Variants in SYCP2L observed in about 807,000 individuals in gnomAD.
SYCP2L encodes synaptonemal complex protein 2 like.
A neutral mutation model predicts 125.8 loss-of-function variants in SYCP2L; 98 were observed. The observed-to-expected ratio is 0.78, with a 90% CI of 0.66 to 0.92. The LOEUF (loss-of-function observed/expected upper bound fraction) is 0.92, where lower values mean the gene tolerates loss of function less well. Ranked by LOEUF, SYCP2L falls within the 40% of genes least tolerant of loss-of-function variation. The probability of loss-of-function intolerance (pLI) is 0.00; values close to 1 mark genes in which losing one functional copy is unlikely to be tolerated. For synonymous variants in SYCP2L, 317 were observed against 325.4 expected, an observed-to-expected ratio of 0.97 and a Z score of 0.28; for missense variants, 842 against 936.4, an observed-to-expected ratio of 0.90 and a Z score of 1.32.
At position 10,903,823 on chromosome 6, in the gene SYCP2L, AT is replaced by A. The variant is rs201472872; in HGVS notation, c.641+869del. 1.1e-3 allele frequency among the ~76,000 whole-genome samples: 165 copies of A among 149,602 alleles called. 3 individuals carry two copies. The East Asian group carries it at 0.027, about 24-fold the overall frequency. On this transcript the variant is annotated intron_variant, in intron 8 of 29. Coordinates refer to ENST00000283141, the MANE Select transcript of SYCP2L (RefSeq NM_001040274.3). Reference sequence around the variant, plus strand: ...AGATTTTTCCTTTTTAATAATTATAATTTTTTTTTCTTTTTGCTTCAACGTT... The same window carrying A: ...AGATTTTTCCTTTTTAATAATTATAATTTTTTTTCTTTTTGCTTCAACGTT...
intron 4 of SYCP2L, among the ~76,000 whole-genome samples, chr6:10,895,583 GC>G (rs1217404111): frequency 6.6e-6 from 1 of 151,728 alleles, no homozygotes; most frequent in Non-Finnish European, 1.5e-5. Context: ...TGCTACCGTG[GC>G]GTGCCTGGGC....
intron 23 of SYCP2L, among the ~76,000 whole-genome samples, chr6:10,951,504 A>G (rs9393800): frequency 0.2 from 30,383 of 152,228 alleles, 3,746 homozygotes; most frequent in Middle Eastern, 0.3. Flanking sequence ...ATATGTAGTC[A>G]CAAATAAATA....
At chr6:10,888,780 C>T (rs748471300) in intron 1 of SYCP2L, among the ~76,000 whole-genome samples, 5 of 152,272 alleles carry the variant, frequency 3.3e-5, no homozygotes, top group Admixed American at 6.5e-5. Flanking sequence ...GTATTTCCCA[C>T]TAATTCAGAA....
At chr6:10,894,600 A>G (rs1239155361) in intron 4 of SYCP2L, among the ~76,000 whole-genome samples, 2 of 152,222 alleles carry the variant, frequency 1.3e-5, no homozygotes, top group African/African-American at 4.8e-5. Context: ...CCCTTGTAAC[A>G]CCTCACTTTA....
At chr6:10,893,069 G>A (rs1295376584) in intron 2 of SYCP2L, among the ~76,000 whole-genome samples, 1 of 151,152 alleles carries the variant, frequency 6.6e-6, no homozygotes, top group Non-Finnish European at 1.5e-5. Flanking sequence ...GTGCAGTGGT[G>A]CGATCTCGAC....
intron 20 of SYCP2L, among the ~76,000 whole-genome samples, chr6:10,932,716 T>A (rs1781017055): frequency 6.6e-6 from 1 of 152,218 alleles, no homozygotes; most frequent in Non-Finnish European, 1.5e-5. Context: ...TAATACAGCT[T>A]TTATTTGGAA....
chr6:10,923,350 C>G (rs1181239242), intron 14 of SYCP2L, among the ~76,000 whole-genome samples: 1 of 149,072 alleles, frequency 6.7e-6, no homozygotes, highest in Admixed American at 6.7e-5. Context: ...TGGGAGGAGG[C>G]TGCAAGGAGG....
At chr6:10,968,716 C>T (rs1781718024) in intron 29 of SYCP2L, among the ~76,000 whole-genome samples, 1 of 152,240 alleles carries the variant, frequency 6.6e-6, no homozygotes. Context: ...AGTAGGTAGA[C>T]TGGGGTCCAG....
chr6:10,928,097 C>T (rs58273381), intron 17 of SYCP2L, among the ~76,000 whole-genome samples: 2,377 of 152,146 alleles, frequency 0.016, 60 homozygotes, highest in African/African-American at 0.053. Context: ...AACACACATG[C>T]TCTACAATTT....
intron 29 of SYCP2L, among the ~76,000 whole-genome samples, chr6:10,967,926 G>A (rs1353413888): frequency 6.6e-6 from 1 of 152,150 alleles, no homozygotes; most frequent in African/African-American, 2.4e-5. Context: ...GTAGAGAGAA[G>A]GCTTCATCTA....
intron 24 of SYCP2L, among the ~76,000 whole-genome samples, chr6:10,955,866 A>T (rs914996780): frequency 6.6e-6 from 1 of 152,128 alleles, no homozygotes; most frequent in Non-Finnish European, 1.5e-5. Context: ...CCAGAGAAAT[A>T]CCCTAGCTAT....
Position 10,912,713 on chromosome 6 carries a change from T to A in SYCP2L, c.959T>A (p.Ile320Asn). Residue 320 changes from isoleucine to asparagine, a missense_variant, in exon 13 of 30, where the codon ATC becomes AAC. Transcript: ENST00000283141. This position sits in a 1 kb window ranked among gnomAD's most constrained non-coding sequence, Gnocchi z 4.1. Reference sequence around the variant, plus strand: ...GATGAAAAATTAGAGAAATTTTGGATCGACTTCAACCTAGGAAGTCAGAGT... The same window carrying A: ...GATGAAAAATTAGAGAAATTTTGGAACGACTTCAACCTAGGAAGTCAGAGT... ...PADEKLEKFWIDFNLGSQSVT... is the reference protein window; with the variant it reads ...PADEKLEKFWNDFNLGSQSVT... 6.2e-7 allele frequency: 1 copy of A among 1,613,796 alleles called. No individual in the cohort carries two copies. The highest frequency in any genetic ancestry group is 8.5e-7 in the Non-Finnish European group (1 of 1,179,958).
At chr6:10,894,233 C>T (rs763525043) in intron 4 of SYCP2L, 29 bp downstream of exon 4, 1 of 1,605,490 alleles carries the variant, frequency 6.2e-7, no homozygotes, top group East Asian at 2.2e-5. Context: ...TTTTATATGG[C>T]TTTGGGTAAC....
chr6:10,931,053 C>T (rs1301292959), intron 19 of SYCP2L, among the ~76,000 whole-genome samples: 10 of 152,276 alleles, frequency 6.6e-5, no homozygotes, highest in Non-Finnish European at 1.5e-4. Flanking sequence ...CGCCTGTGGT[C>T]CCAGCTACTG....
At chr6:10,940,258 T>C (rs1459760785) in intron 21 of SYCP2L, among the ~76,000 whole-genome samples, 3 of 152,206 alleles carry the variant, frequency 2.0e-5, no homozygotes, top group Admixed American at 1.3e-4. Flanking sequence ...ATGCAACTAT[T>C]GTGGAAAACA....
At chr6:10,904,481 A>G (rs546051137) in intron 8 of SYCP2L, among the ~76,000 whole-genome samples, 2 of 152,346 alleles carry the variant, frequency 1.3e-5, no homozygotes, top group South Asian at 4.1e-4. Flanking sequence ...TTTGCAGGAT[A>G]TAGTTTTTAC....
rs3066124 is a variant in SYCP2L at position 10,891,613 on chromosome 6, C to CTG, written c.78+82_78+83dup. On this transcript the variant is annotated intron_variant, in intron 2 of 29. Coordinates refer to ENST00000283141, the MANE Select transcript of SYCP2L (RefSeq NM_001040274.3). ...ATCAAGTTTCTTTTATAATCTCTCT[C>CTG]TGTGTGTGTGTGTGTGTGTGTGTGT... The CTG allele has an allele frequency of 4.2e-3, 507 of 119,354 alleles. 2 individuals are homozygous for CTG. The highest frequency in any genetic ancestry group is 0.017 in the African/African-American group (474 of 28,568). The allele number at this position is 119,354 out of a possible 1,614,324, so 7.4% of individuals were successfully genotyped here. A position where few individuals can be genotyped will look rare whatever the true frequency, so the allele number is the denominator to read the frequency against.
chr6:10,910,220 A>T lies in SYCP2L; in HGVS notation c.872+20A>T. 1 of 1,607,510 alleles carries T rather than the reference A, an allele frequency of 6.2e-7. No homozygotes were observed. Among genetic ancestry groups the T allele is most frequent in the Non-Finnish European group, 8.5e-7 (1 of 1,174,478 alleles). Reference sequence around the variant, plus strand: ...AAGAAGGTAAGTTGTGTCTCTGAGCATTATTGACTAGTTGTATTCTGAAAA... The same window carrying T: ...AAGAAGGTAAGTTGTGTCTCTGAGCTTTATTGACTAGTTGTATTCTGAAAA... On this transcript the variant is annotated intron_variant, in intron 11 of 29. Coordinates refer to ENST00000283141, the MANE Select transcript of SYCP2L (RefSeq NM_001040274.3).
In SYCP2L at chr6:10,956,261, T is replaced by TA. The variant is rs1199931152; in HGVS notation, c.2163+25dup. The TA allele has an allele frequency of 6.4e-7, 1 of 1,559,248 alleles. No individual in the cohort carries two copies. Among genetic ancestry groups the TA allele is most frequent in the Admixed American group, 1.7e-5 (1 of 59,626 alleles). ...ATATGAGGTAGTAGTCCACAAAACTTAAAAAACTAGAGCGTTATGAATCTG... is the reference window on the plus strand; with the variant it reads ...ATATGAGGTAGTAGTCCACAAAACTTAAAAAAACTAGAGCGTTATGAATCTG... On this transcript the variant is annotated intron_variant, in intron 25 of 29. Transcript: ENST00000283141.
Sources: gnomAD v4.1 joint callset for allele counts (sites outside exome capture counted in the v4.1 genomes callset) on GRCh38, gnomAD v4.1.1 for gene constraint, Gnocchi (gnomAD v3.1) non-coding constraint, MANE v1.5 for transcripts, NCBI Gene and HGNC (gene_info 2026-07-23, HGNC 2026-07-21) for gene names.